MLLT3: variants seen among roughly 807,000 people sequenced by gnomAD.
MLLT3 encodes MLLT3 super elongation complex subunit.
In MLLT3, 4 loss-of-function variants were observed where a neutral mutation model predicts 53.2. The observed-to-expected ratio is 0.08, with a 90% confidence interval of 0.04 to 0.17. The LOEUF is 0.17. MLLT3 is among the 10% of genes least tolerant of loss of function. MLLT3 has a pLI of 1.00. For synonymous variants in MLLT3, 283 were observed against 230.6 expected, an observed-to-expected ratio of 1.23 and a Z score of -2.06; for missense variants, 569 against 684.0, an observed-to-expected ratio of 0.83 and a Z score of 1.87.
At chr9:20,361,487 T>G (rs965987997) in intron 7 of MLLT3, among the ~76,000 whole-genome samples, 3 of 152,226 alleles carry the variant, frequency 2.0e-5, no homozygotes, top group Admixed American at 2.0e-4. Flanking sequence ...CTAGGACCAT[T>G]ACCAATCATT....
chr9:20,542,376 G>A (rs750244230), intron 2 of MLLT3, among the ~76,000 whole-genome samples: 14 of 150,858 alleles, frequency 9.3e-5, no homozygotes, highest in East Asian at 5.9e-4. Flanking sequence ...TCAGCCTCCC[G>A]AGTAGCTGGG....
intron 5 of MLLT3, among the ~76,000 whole-genome samples, chr9:20,378,466 A>G (rs903753151): frequency 6.6e-5 from 10 of 152,060 alleles, no homozygotes; most frequent in Admixed American, 3.3e-4. Context: ...TTTACTTTTT[A>G]TATTTATACT....
At chr9:20,440,679 T>G (rs1001512984) in intron 4 of MLLT3, among the ~76,000 whole-genome samples, 1 of 152,136 alleles carries the variant, frequency 6.6e-6, no homozygotes, top group Non-Finnish European at 1.5e-5. Flanking sequence ...AAAGAGCTAG[T>G]ACCTAAGCAA....
chr9:20,590,425 C>T (rs1820099291), intron 2 of MLLT3, among the ~76,000 whole-genome samples: 2 of 152,292 alleles, frequency 1.3e-5, no homozygotes, highest in Admixed American at 6.5e-5. Context: ...GGTGATTAGA[C>T]CATGGGGGCA....
chr9:20,433,957 A>G (rs886167482), intron 4 of MLLT3, among the ~76,000 whole-genome samples: 1 of 150,136 alleles, frequency 6.7e-6, no homozygotes, highest in African/African-American at 2.5e-5. Context: ...TACTAAAAAT[A>G]CAAAAAAAAA....
At chr9:20,502,777 A>G (rs1195945012) in intron 2 of MLLT3, among the ~76,000 whole-genome samples, 1 of 152,236 alleles carries the variant, frequency 6.6e-6, no homozygotes, top group Admixed American at 6.5e-5. Context: ...ATACTGAGGA[A>G]TGACTGTAGA....
chr9:20,538,823 C>T (rs1422541145), intron 2 of MLLT3, among the ~76,000 whole-genome samples: 1 of 152,156 alleles, frequency 6.6e-6, no homozygotes, highest in African/African-American at 2.4e-5. Context: ...ATCACCACAA[C>T]AAAGCAAATA....
intron 5 of MLLT3, among the ~76,000 whole-genome samples, chr9:20,400,419 T>C (rs1443764935): frequency 6.6e-6 from 1 of 152,162 alleles, no homozygotes; most frequent in Non-Finnish European, 1.5e-5. Context: ...TTGATTCCAT[T>C]GGAAATTTGT....
At chr9:20,470,436 T>C (rs1824359329) in intron 2 of MLLT3, among the ~76,000 whole-genome samples, 1 of 152,006 alleles carries the variant, frequency 6.6e-6, no homozygotes, top group Non-Finnish European at 1.5e-5. Flanking sequence ...TCTAATTTAA[T>C]TTTCCCTCCT....
chr9:20,544,796 A>C (rs1470738332), intron 2 of MLLT3, among the ~76,000 whole-genome samples: 1 of 152,216 alleles, frequency 6.6e-6, no homozygotes, highest in African/African-American at 2.4e-5. Context: ...CGTTCAATGA[A>C]GCATTACTCA....
intron 2 of MLLT3, among the ~76,000 whole-genome samples, chr9:20,457,732 T>G (rs1381715295): frequency 2.0e-5 from 3 of 152,196 alleles, no homozygotes; most frequent in Non-Finnish European, 4.4e-5. Context: ...AATAAGGCTT[T>G]TATTTCTCAT....
At chr9:20,510,613 GAAAAA>G (rs36032614) in intron 2 of MLLT3, among the ~76,000 whole-genome samples, 1 of 105,966 alleles carries the variant, frequency 9.4e-6, no homozygotes, top group Admixed American at 1.0e-4. Flanking sequence ...CTCCATCTCA[GAAAAA>G]AAAAAAAAAA....
At chr9:20,400,010 A>G (rs1487848505) in intron 5 of MLLT3, among the ~76,000 whole-genome samples, 1 of 152,006 alleles carries the variant, frequency 6.6e-6, no homozygotes. Context: ...ATTAATGCTT[A>G]TACAGCAATG....
chr9:20,525,339 G>A (rs10757134), intron 2 of MLLT3, among the ~76,000 whole-genome samples: 74,612 of 151,588 alleles, frequency 0.49, 18,679 homozygotes, highest in East Asian at 0.69. Flanking sequence ...TGTACTAAAA[G>A]TACAAAAATT....
chr9:20,485,830 C>T (rs932561721), intron 2 of MLLT3, among the ~76,000 whole-genome samples: 2 of 151,822 alleles, frequency 1.3e-5, no homozygotes, highest in African/African-American at 4.8e-5. Context: ...TGATTTCTTA[C>T]CAGAAGCAAA....
intron 2 of MLLT3, among the ~76,000 whole-genome samples, chr9:20,462,771 C>T (rs1054303237): frequency 3.9e-5 from 6 of 152,110 alleles, no homozygotes; most frequent in Non-Finnish European, 8.8e-5. Flanking sequence ...CACCTCCTCT[C>T]GTTCCTTATC....
At chr9:20,456,137 C>T (rs935750222) in intron 3 of MLLT3, among the ~76,000 whole-genome samples, 11 of 152,024 alleles carry the variant, frequency 7.2e-5, no homozygotes, top group African/African-American at 2.4e-4. Flanking sequence ...CGAGGTTTCA[C>T]CATGTTGGCC....
chr9:20,520,422 AC>A (rs1818029133), intron 2 of MLLT3, among the ~76,000 whole-genome samples: 1 of 152,126 alleles, frequency 6.6e-6, no homozygotes. Flanking sequence ...TAAACAGCTC[AC>A]AAATCCTATC....
At chr9:20,375,468 G>C (rs1821737162) in intron 5 of MLLT3, among the ~76,000 whole-genome samples, 1 of 152,100 alleles carries the variant, frequency 6.6e-6, no homozygotes, top group East Asian at 1.9e-4. Flanking sequence ...CACACCCAAA[G>C]CAAACCAGTG....
Sources: gnomAD v4.1 joint callset for allele counts (sites outside exome capture counted in the v4.1 genomes callset) on GRCh38, gnomAD v4.1.1 for gene constraint, MANE v1.5 for transcripts, NCBI Gene and HGNC (gene_info 2026-07-23, HGNC 2026-07-21) for gene names.